The following TMEM145 variants were observed in gnomAD, a reference collection of about 807,000 sequenced individuals.
The protein encoded by TMEM145 is transmembrane protein 145.
TMEM145 carries 46 observed loss-of-function variants against 68.5 expected under a neutral mutation model. That is an observed-to-expected ratio of 0.67 (90% confidence interval 0.53 to 0.86). TMEM145 has a LOEUF of 0.86. Ranked by LOEUF, TMEM145 falls within the 40% of genes least tolerant of loss-of-function variation. TMEM145 has a pLI of 0.00. For synonymous variants in TMEM145, 255 were observed against 280.2 expected, an observed-to-expected ratio of 0.91 and a Z score of 0.90; for missense variants, 570 against 645.8, an observed-to-expected ratio of 0.88 and a Z score of 1.27.
At chr19:42,317,497 C>T (rs1239131048) in intron 11 of TMEM145, among the ~76,000 whole-genome samples, 3 of 152,162 alleles carry the variant, frequency 2.0e-5, no homozygotes, top group Non-Finnish European at 2.9e-5. Flanking sequence ...GGGGTTTAGC[C>T]CTGTGTTGAG....
chr19:42,324,930 T>A lies in TMEM145; in HGVS notation c.*113T>A. The stretch of plus-strand genomic sequence containing the variant: ...GATGCTGGTCTCGACCCTGAAACCC[T>A]CCCTCGGATCTGTGACCTCGGACCC... On this transcript the variant is annotated 3_prime_UTR_variant, in exon 15 of 15. Transcript: ENST00000301204. 7.7e-7 allele frequency: 1 copy of A among 1,306,108 alleles called. No individual in the cohort carries two copies. The highest frequency in any genetic ancestry group is 3.2e-5 in the East Asian group (1 of 31,436). The allele number at this position is 1,306,108 out of a possible 1,614,324, so 80.9% of individuals were successfully genotyped here. A position where few individuals can be genotyped will look rare whatever the true frequency, so the allele number is the denominator to read the frequency against.
In TMEM145 at chr19:42,324,724, T is replaced by C; in HGVS notation, c.1402-13T>C. 7.4e-7 allele frequency: 1 copy of C among 1,352,458 alleles called. No homozygotes were observed. The allele number at this position is 1,352,458 out of a possible 1,614,324, so 83.8% of individuals were successfully genotyped here. Reference sequence around the variant, plus strand: ...GGTCCCGCGGGAGCCGCTCTCCCCGTCCCCTCCCTCAGCCCCTGCCCCGAG... The same window carrying C: ...GGTCCCGCGGGAGCCGCTCTCCCCGCCCCCTCCCTCAGCCCCTGCCCCGAG... On this transcript the variant is annotated splice_polypyrimidine_tract_variant and intron_variant, in intron 14 of 14. Transcript: ENST00000301204.
intron 14 of TMEM145, 134 bp from the exon 15 acceptor site, chr19:42,324,603 C>T (rs1045025260): frequency 1.5e-6 from 2 of 1,368,894 alleles, no homozygotes; most frequent in Non-Finnish European, 1.9e-6. Context: ...TATCCCGGCC[C>T]GAGAGCTCGC....
chr19:42,314,165 A>G, intron 1 of TMEM145, 107 bp from the exon 2 acceptor site: 6 of 1,177,692 alleles, frequency 5.1e-6, no homozygotes, highest in Non-Finnish European at 7.6e-6. Flanking sequence ...TCCTTCTAGT[A>G]CTTGGGAAGC....
In TMEM145 at chr19:42,316,860, C is replaced by T; in HGVS notation, c.807-10C>T. On this transcript the variant is annotated splice_polypyrimidine_tract_variant and intron_variant, in intron 10 of 14. Coordinates refer to ENST00000301204, the MANE Select transcript of TMEM145 (RefSeq NM_173633.3). ...CCACCCTGCTGTCTCCCCTCATGGC[C>T]TGCTGCCAGGGGCCGCATCAGCCAC... 2 of 1,613,056 alleles carry T rather than the reference C, an allele frequency of 1.2e-6. No homozygotes were observed. Among genetic ancestry groups the T allele is most frequent in the Non-Finnish European group, 1.7e-6 (2 of 1,179,848 alleles).
intron 1 of TMEM145, among the ~76,000 whole-genome samples, chr19:42,314,037 G>A (rs990648032): frequency 6.6e-6 from 1 of 151,944 alleles, no homozygotes; most frequent in Admixed American, 6.6e-5. Flanking sequence ...ATGCAGGGAG[G>A]AGTGTTTGAA....
At chr19:42,320,162 C>G (rs530850293) in intron 12 of TMEM145, among the ~76,000 whole-genome samples, 155 bp from the exon 13 acceptor site, 5 of 152,174 alleles carry the variant, frequency 3.3e-5, no homozygotes, top group Admixed American at 1.3e-4. Context: ...CAGTCCTGCC[C>G]CATTTCAGTC....
rs372899785 is a variant in TMEM145 at position 42,322,371 on chromosome 19, A to G, written c.1195-1212A>G. Among the ~76,000 whole-genome samples, 48 of 152,302 alleles carry G rather than the reference A, an allele frequency of 3.2e-4. 1 individual carries two copies. The highest frequency in any genetic ancestry group is 1.1e-3 in the African/African-American group (47 of 41,550). On this transcript the variant is annotated intron_variant, in intron 13 of 14. Coordinates refer to ENST00000301204, the MANE Select transcript of TMEM145 (RefSeq NM_173633.3). ...CAGCGAGGCTCAGGGAGTTTAATCA[A>G]CATGCCCCAGATCCCATACTCAGTG... is the stretch of plus-strand genomic sequence containing the variant.
intron 8 of TMEM145, among the ~76,000 whole-genome samples, chr19:42,315,755 G>T (rs2038850405): frequency 6.6e-6 from 1 of 151,994 alleles, no homozygotes; most frequent in South Asian, 2.1e-4. Context: ...AACTAGGCTG[G>T]ACACGGTGGC....
intron 1 of TMEM145, among the ~76,000 whole-genome samples, chr19:42,314,034 G>T (rs2038828967): frequency 6.6e-6 from 1 of 151,962 alleles, no homozygotes. Flanking sequence ...GAAATGCAGG[G>T]AGGAGTGTTT....
intron 14 of TMEM145, 51 bp from the exon 15 acceptor site, chr19:42,324,686 C>T: frequency 9.9e-7 from 1 of 1,015,200 alleles, no homozygotes; most frequent in Non-Finnish European, 1.3e-6. Context: ...CCCCCCTCCC[C>T]TCTGTGCCAA....
intron 8 of TMEM145, among the ~76,000 whole-genome samples, chr19:42,315,754 G>A (rs1398588038): frequency 6.6e-6 from 1 of 151,860 alleles, no homozygotes; most frequent in African/African-American, 2.4e-5. Context: ...GAACTAGGCT[G>A]GACACGGTGG....
At position 42,313,564 on chromosome 19, in the gene TMEM145, G is replaced by A; in HGVS notation, c.120+68G>A. On this transcript the variant is annotated intron_variant, in intron 1 of 14. Transcript: ENST00000301204. This position sits in a 1 kb window ranked among gnomAD's most constrained non-coding sequence, Gnocchi z 5.1. ...GGGACGCAAGGGAGGCGAGGGGAGC[G>A]GGTACCGCCTCGCCCCCTGCCGCCC... is the stretch of plus-strand genomic sequence containing the variant. 1 of 1,186,878 alleles carries A rather than the reference G, an allele frequency of 8.4e-7. No homozygotes were observed. The highest frequency in any genetic ancestry group is 1.1e-6 in the Non-Finnish European group (1 of 937,694). The allele number at this position is 1,186,878 out of a possible 1,614,324, so 73.5% of individuals were successfully genotyped here. A position where few individuals can be genotyped will look rare whatever the true frequency, so the allele number is the denominator to read the frequency against.
At position 42,314,598 on chromosome 19, in the gene TMEM145, C is replaced by T. The variant is rs2038835998; in HGVS notation, c.274-15C>T. 1 of 1,614,144 alleles carries T rather than the reference C, an allele frequency of 6.2e-7. No homozygotes were observed. Among genetic ancestry groups the T allele is most frequent in the Non-Finnish European group, 8.5e-7 (1 of 1,180,004 alleles). On this transcript the variant is annotated splice_polypyrimidine_tract_variant and intron_variant, in intron 3 of 14. Coordinates refer to ENST00000301204, the MANE Select transcript of TMEM145 (RefSeq NM_173633.3). Reference sequence around the variant, plus strand: ...TTGCTGGCCGGGGGAGTGACCCTGTCCCTGCCTTCCCCAGGACTGCCTGGC... The same window carrying T: ...TTGCTGGCCGGGGGAGTGACCCTGTTCCTGCCTTCCCCAGGACTGCCTGGC...
In TMEM145 at chr19:42,314,546, G is replaced by A; in HGVS notation, c.273+18G>A. 6.2e-7 allele frequency: 1 copy of A among 1,614,172 alleles called. No individual in the cohort carries two copies. The highest frequency in any genetic ancestry group is 8.5e-7 in the Non-Finnish European group (1 of 1,180,020). On this transcript the variant is annotated intron_variant, in intron 3 of 14. Transcript: ENST00000301204. The stretch of plus-strand genomic sequence containing the variant: ...GGGACAAGGTGAGGGCTGTGAAGAG[G>A]GCATAGGGGGAGAGGGGAGAAGGTC...
chr19:42,322,502 G>T (rs1388117390), intron 13 of TMEM145, among the ~76,000 whole-genome samples: 1 of 152,020 alleles, frequency 6.6e-6, no homozygotes, highest in Non-Finnish European at 1.5e-5. Flanking sequence ...CGTTAGCTCA[G>T]CACAGCTCCA....
intron 13 of TMEM145, among the ~76,000 whole-genome samples, chr19:42,320,683 A>G (rs536038249): frequency 3.3e-5 from 5 of 150,792 alleles, no homozygotes; most frequent in African/African-American, 1.2e-4. Context: ...GCTGGAGTGC[A>G]ATGGCTTGAT....
chr19:42,316,795 A>C, intron 10 of TMEM145, 55 bp downstream of exon 10: 5 of 683,126 alleles, frequency 7.3e-6, no homozygotes, highest in Non-Finnish European at 1.2e-5. Context: ...GGGCAGGGGC[A>C]GGGTTGGGGG....
At chr19:42,319,559 G>C (rs967382245) in intron 12 of TMEM145, among the ~76,000 whole-genome samples, 2 of 151,866 alleles carry the variant, frequency 1.3e-5, no homozygotes, top group Non-Finnish European at 2.9e-5. Context: ...TGATTCTTCT[G>C]CCTCAGCCTC....
Sources: allele counts gnomAD v4.1 joint callset (sites outside exome capture counted in the v4.1 genomes callset), GRCh38; gene constraint gnomAD v4.1.1; non-coding constraint Gnocchi (gnomAD v3.1); transcripts MANE v1.5; gene names NCBI Gene and HGNC (gene_info 2026-07-23, HGNC 2026-07-21).